Variants in ANKRD30BL observed in about 807,000 individuals in gnomAD.
ANKRD30BL encodes putative ankyrin repeat domain-containing protein 30B-like.
Under a neutral mutation model 18.4 loss-of-function variants are expected in ANKRD30BL, and 20 were observed. That is an observed-to-expected ratio of 1.09 (90% CI 0.77 to 1.58). The LOEUF is 1.58. Ranked by LOEUF, ANKRD30BL falls within the 40% of genes most tolerant of loss-of-function variation. ANKRD30BL has a pLI of 0.00. For synonymous variants in ANKRD30BL, 72 were observed against 100.9 expected (o/e 0.71, Z 1.72); for missense variants, 224 against 268.6 (o/e 0.83, Z 1.16).
At chr2:132,243,490 G>C (rs1337807729) in intron 1 of ANKRD30BL, among the ~76,000 whole-genome samples, 1 of 151,622 alleles carries the variant, frequency 6.6e-6, no homozygotes, top group Non-Finnish European at 1.5e-5. Flanking sequence ...CAGCAGTTTT[G>C]AAACACTCTT....
intron 1 of ANKRD30BL, among the ~76,000 whole-genome samples, chr2:132,251,564 G>A (rs537215619): frequency 1.1e-4 from 16 of 152,004 alleles, no homozygotes; most frequent in South Asian, 2.1e-4. Context: ...ATACAACATC[G>A]TATTTTTAAA....
intron 1 of ANKRD30BL, among the ~76,000 whole-genome samples, chr2:132,255,840 C>G (rs1376136839): frequency 3.9e-5 from 6 of 152,122 alleles, no homozygotes; most frequent in Non-Finnish European, 7.3e-5. Context: ...GTTGATAGGG[C>G]AGACATTCGA....
At chr2:132,224,403 A>T (rs544611313) in intron 1 of ANKRD30BL, among the ~76,000 whole-genome samples, 1 of 151,834 alleles carries the variant, frequency 6.6e-6, no homozygotes. Flanking sequence ...AGCCTTTTGA[A>T]ACACTCTTTG....
chr2:132,253,805 G>C (rs536277963), intron 1 of ANKRD30BL, among the ~76,000 whole-genome samples: 2 of 151,958 alleles, frequency 1.3e-5, no homozygotes, highest in East Asian at 3.9e-4. Context: ...GGGCGGATGA[G>C]GGGGGTGGGA....
intron 1 of ANKRD30BL, among the ~76,000 whole-genome samples, chr2:132,197,806 T>G (rs1678996428): frequency 6.6e-6 from 1 of 151,962 alleles, no homozygotes; most frequent in South Asian, 2.1e-4. Flanking sequence ...GTTGGATATT[T>G]TTACTAAAAT....
At chr2:132,160,003 C>T (rs1688012239) in intron 1 of ANKRD30BL, among the ~76,000 whole-genome samples, 1 of 152,200 alleles carries the variant, frequency 6.6e-6, no homozygotes. Context: ...AACCTGTGAG[C>T]ATTATCAAGT....
intron 1 of ANKRD30BL, among the ~76,000 whole-genome samples, chr2:132,215,283 C>A (rs56405856): frequency 0.03 from 4,597 of 151,792 alleles, no homozygotes; most frequent in African/African-American, 0.11. Context: ...AGTTTGGAAA[C>A]ACTCTTTTTG....
chr2:132,188,731 C>CAA (rs776026954), intron 1 of ANKRD30BL, among the ~76,000 whole-genome samples: 5 of 147,300 alleles, frequency 3.4e-5, no homozygotes, highest in African/African-American at 1.4e-4. Flanking sequence ...ACAACAACAA[C>CAA]AACAACAAAT....
At chr2:132,223,031 G>C (rs934992638) in intron 1 of ANKRD30BL, among the ~76,000 whole-genome samples, 3 of 151,984 alleles carry the variant, frequency 2.0e-5, no homozygotes, top group African/African-American at 7.2e-5. Context: ...TGATAAAGCA[G>C]TTTTGAAACA....
chr2:132,243,346 G>GT, intron 1 of ANKRD30BL, among the ~76,000 whole-genome samples: 1 of 151,798 alleles, frequency 6.6e-6, no homozygotes, highest in African/African-American at 2.4e-5. Flanking sequence ...GAATCTGCAA[G>GT]TGGACATTTG....
intron 1 of ANKRD30BL, among the ~76,000 whole-genome samples, chr2:132,169,837 A>G (rs988297561): frequency 1.3e-5 from 2 of 152,100 alleles, no homozygotes; most frequent in African/African-American, 4.8e-5. Context: ...ATTGTTTACT[A>G]TATAAATTAA....
intron 1 of ANKRD30BL, among the ~76,000 whole-genome samples, chr2:132,211,294 G>T (rs1414942223): frequency 6.6e-6 from 1 of 152,042 alleles, no homozygotes; most frequent in African/African-American, 2.4e-5. Flanking sequence ...TCACAGAGTT[G>T]AACCTTTCTT....
At chr2:132,225,645 G>A (rs1269805953) in intron 1 of ANKRD30BL, among the ~76,000 whole-genome samples, 9 of 151,964 alleles carry the variant, frequency 5.9e-5, no homozygotes, top group South Asian at 2.1e-4. Context: ...TGAGGCATTC[G>A]TTGGAAATGG....
chr2:132,257,170 G>C (rs544998244), intron 1 of ANKRD30BL: 1 of 444,432 alleles, frequency 2.3e-6, no homozygotes, highest in Non-Finnish European at 4.5e-6. Context: ...CACGTTGCTC[G>C]TTTCTCATCC....
At chr2:132,169,370 G>A (rs185088152) in intron 1 of ANKRD30BL, among the ~76,000 whole-genome samples, 1,729 of 152,186 alleles carry the variant, frequency 0.011, 28 homozygotes, top group African/African-American at 0.038. Context: ...GAATGGTGGC[G>A]GGGTGCGGTG....
intron 1 of ANKRD30BL, among the ~76,000 whole-genome samples, chr2:132,159,299 ATTC>A (rs1687995487): frequency 1.3e-5 from 2 of 152,142 alleles, no homozygotes; most frequent in Admixed American, 6.5e-5. Flanking sequence ...CATTATATGA[ATTC>A]TTCTTAATAA....
intron 1 of ANKRD30BL, among the ~76,000 whole-genome samples, chr2:132,227,095 C>T (rs62166101): frequency 1.3e-5 from 2 of 152,212 alleles, no homozygotes; most frequent in African/African-American, 4.8e-5. Context: ...TTGCATTCTA[C>T]TCACAGAGTT....
intron 1 of ANKRD30BL, among the ~76,000 whole-genome samples, chr2:132,184,136 G>A (rs1036828461): frequency 6.6e-6 from 1 of 151,874 alleles, no homozygotes; most frequent in Non-Finnish European, 1.5e-5. Flanking sequence ...GCAGTGATAT[G>A]ATCTTGGCTC....
intron 1 of ANKRD30BL, among the ~76,000 whole-genome samples, chr2:132,181,815 A>C (rs1688468356): frequency 6.6e-6 from 1 of 152,190 alleles, no homozygotes; most frequent in African/African-American, 2.4e-5. Context: ...GTTTAGGTCA[A>C]ATTTTAAAAG....
Sources: gnomAD v4.1 joint callset for allele counts (sites outside exome capture counted in the v4.1 genomes callset) on GRCh38, gnomAD v4.1.1 for gene constraint, MANE v1.5 for transcripts, NCBI Gene and HGNC (gene_info 2026-07-23, HGNC 2026-07-21) for gene names.